MRPS11: variants seen among roughly 807,000 people sequenced by gnomAD.
MRPS11 encodes the protein small ribosomal subunit protein uS11m.
A neutral mutation model predicts 24.3 loss-of-function variants in MRPS11; 27 were observed. The ratio of observed to expected loss-of-function variants is 1.11; its 90% CI spans 0.82 to 1.53. MRPS11 has a LOEUF of 1.53. MRPS11 is among the 40% of genes most tolerant of loss of function. The pLI is 0.00. For synonymous variants in MRPS11, 104 were observed against 98.7 expected, an observed-to-expected ratio of 1.05 and a Z score of -0.32; for missense variants, 277 against 256.5, an observed-to-expected ratio of 1.08 and a Z score of -0.55.
Position 88,467,913 on chromosome 15 carries a change from T to C in MRPS11, c.71T>C (p.Val24Ala). ...SWTWPQTAGR[V>A]VARTPAGTIC... ...CACCGAGCTTTTCTTCCCAGCAGGG[T>C]CGTGGCCAGAACGCCGGCCGGGACC... is the stretch of plus-strand genomic sequence containing the variant. The change falls in exon 2 of 6, where the codon GTC (valine) becomes GCC (alanine). Residue 24 changes from valine to alanine, a missense_variant. By Grantham distance (64) the Val-to-Ala change is moderately conservative. Transcript: ENST00000325844. 1 of 1,613,560 alleles carries C rather than the reference T, an allele frequency of 6.2e-7. No individual in the cohort carries two copies. The highest frequency in any genetic ancestry group is 8.5e-7 in the Non-Finnish European group (1 of 1,179,970).
chr15:88,477,954 G>GC lies in MRPS11; in HGVS notation c.564dup (p.Arg189GlnfsTer71), dbSNP rs1567047229. 6.2e-7 allele frequency: 1 copy of GC among 1,613,992 alleles called. No homozygotes were observed. The highest frequency in any genetic ancestry group is 2.2e-5 in the East Asian group (1 of 44,888). On this transcript the variant is annotated frameshift_variant, in exon 6 of 6. Coordinates refer to ENST00000325844, the MANE Select transcript of MRPS11 (RefSeq NM_022839.5). LOFTEE classifies it high-confidence loss of function. This position sits in a 1 kb window ranked among gnomAD's most constrained non-coding sequence, Gnocchi z 5.7. ...ACCCCAATCCCACACAACGGCTGCCGCCCCAGGAAGGCTCGGAAGCTGTGA... is the reference window on the plus strand; with the variant it reads ...ACCCCAATCCCACACAACGGCTGCCGCCCCCAGGAAGGCTCGGAAGCTGTGA...
chr15:88,475,274 G>T lies in MRPS11; in HGVS notation c.411+35G>T. The T allele has an allele frequency of 6.2e-7, 1 of 1,613,108 alleles. No homozygotes were observed. Among genetic ancestry groups the T allele is most frequent in the Non-Finnish European group, 8.5e-7 (1 of 1,179,766 alleles). The stretch of plus-strand genomic sequence containing the variant: ...TGTTCCTTCTGCTTCCTTCTAGTGT[G>T]TGTTTGCTTTCTGCATGGCTCATCA... On this transcript the variant is annotated intron_variant, in intron 4 of 5. Coordinates refer to ENST00000325844, the MANE Select transcript of MRPS11 (RefSeq NM_022839.5). This position sits in a 1 kb window ranked among gnomAD's most constrained non-coding sequence, Gnocchi z 4.1.
At chr15:88,474,612 CCTT>C (rs1432767991) in intron 3 of MRPS11, among the ~76,000 whole-genome samples, 2 of 151,324 alleles carry the variant, frequency 1.3e-5, no homozygotes, top group Non-Finnish European at 2.9e-5. Context: ...TTTTAAGAGT[CCTT>C]CTTTTAGAGC....
intron 3 of MRPS11, among the ~76,000 whole-genome samples, chr15:88,474,180 A>G (rs558011133): frequency 6.6e-6 from 1 of 150,472 alleles, no homozygotes; most frequent in South Asian, 2.1e-4. Flanking sequence ...CTGTCTCACA[A>G]AAAAATAAAA....
At chr15:88,474,773 C>G (rs2055786233) in intron 3 of MRPS11, among the ~76,000 whole-genome samples, 1 of 152,226 alleles carries the variant, frequency 6.6e-6, no homozygotes, top group Middle Eastern at 3.4e-3. Context: ...GTTGATGAGT[C>G]CATCAGATTT....
At position 88,479,597 on chromosome 15, in the gene MRPS11, T is replaced by C. The variant is rs960024905; in HGVS notation, c.*1618T>C. The C allele has an allele frequency of 6.6e-6, 1 of 152,202 alleles. No individual in the cohort carries two copies. The highest frequency in any genetic ancestry group is 1.5e-5 in the Non-Finnish European group (1 of 68,038). The allele number at this position is 152,202 out of a possible 1,614,324, so 9.4% of individuals were successfully genotyped here. A position where few individuals can be genotyped will look rare whatever the true frequency, so the allele number is the denominator to read the frequency against. On this transcript the variant is annotated 3_prime_UTR_variant, in exon 6 of 6. Coordinates refer to ENST00000325844, the MANE Select transcript of MRPS11 (RefSeq NM_022839.5). ...TCCTTAGCAGGTCCTATGAAGGCCA[T>C]CTTGTGACAGTGACCAAAGAAGCCC...
Position 88,467,975 on chromosome 15 carries a change from G to A in MRPS11, c.133G>A (p.Ala45Thr), listed in dbSNP as rs372077725. The change falls in exon 2 of 6, where the codon GCC becomes ACC. Residue 45 changes from alanine (A) to threonine (T), a missense_variant. Ala to Thr is a moderately conservative substitution (Grantham distance 58). Transcript: ENST00000325844. ...CGCTCGACAGCTCCAAGACGCTGCG[G>A]CCAAGCAGAAAGTTGAACAGAACGC... ...TGARQLQDAAAKQKVEQNAAP... is the reference protein window; with the variant it reads ...TGARQLQDAATKQKVEQNAAP... 42 of 1,611,656 alleles carry A rather than the reference G, an allele frequency of 2.6e-5. No individual in the cohort carries two copies. In the African/African-American group the frequency reaches 4.9e-4, roughly 19 times the overall value.
chr15:88,478,190 A>T lies in MRPS11; in HGVS notation c.*211A>T. Reference sequence around the variant, plus strand: ...AAGTAAGCTTTGCATCTCTTACAAGAGGGGAGCTACAGGGGCAGCCGTGGC... The same window carrying T: ...AAGTAAGCTTTGCATCTCTTACAAGTGGGGAGCTACAGGGGCAGCCGTGGC... On this transcript the variant is annotated 3_prime_UTR_variant, in exon 6 of 6. Transcript: ENST00000325844. This position sits in a 1 kb window ranked among gnomAD's most constrained non-coding sequence, Gnocchi z 4.7. 3 of 581,834 alleles carry T rather than the reference A, an allele frequency of 5.2e-6. 1 individual carries two copies. In the South Asian group the frequency reaches 6.4e-5, roughly 12 times the overall value. 36.0% of individuals were successfully genotyped at this position (581,834 alleles called of 1,614,324 possible). A position where few individuals can be genotyped will look rare whatever the true frequency, so the allele number is the denominator to read the frequency against.
At chr15:88,476,638 T>C (rs1046153945) in intron 4 of MRPS11, 15 of 202,738 alleles carry the variant, frequency 7.4e-5, no homozygotes, top group African/African-American at 3.5e-4. Context: ...ATAATACTTT[T>C]AAAGTGGGTA....
Position 88,475,196 on chromosome 15 carries a change from G to GC in MRPS11, c.369dup (p.Thr124HisfsTer17). 6.2e-7 allele frequency: 1 copy of GC among 1,614,234 alleles called. No homozygotes were observed. Among genetic ancestry groups the GC allele is most frequent in the East Asian group, 2.2e-5 (1 of 44,886 alleles). ...GAGGGATTTCGGAATGCCAAGAAGG[G>GC]CACAGGCATCGCAGCACAGACAGCA... is the stretch of plus-strand genomic sequence containing the variant. On this transcript the variant is annotated frameshift_variant, in exon 4 of 6. Coordinates refer to ENST00000325844, the MANE Select transcript of MRPS11 (RefSeq NM_022839.5). LOFTEE classifies it high-confidence loss of function. The surrounding 1 kb of genome is among the most constrained non-coding windows in gnomAD (Gnocchi z 4.1).
Position 88,472,737 on chromosome 15 carries a change from G to A in MRPS11, c.281+12G>A, listed in dbSNP as rs764360576. 2 of 1,593,528 alleles carry A rather than the reference G, an allele frequency of 1.3e-6. No individual in the cohort carries two copies. The highest frequency in any genetic ancestry group is 1.7e-6 in the Non-Finnish European group (2 of 1,162,174). On this transcript the variant is annotated intron_variant, in intron 3 of 5. Coordinates refer to ENST00000325844, the MANE Select transcript of MRPS11 (RefSeq NM_022839.5). ...GCATCCCACAACAAGTAAGTGGGAA[G>A]GGAAACACTGGGCAGGTCTAGCGTG...
At chr15:88,474,559 C>CAAAAAAAAAAAAA (rs61044753) in intron 3 of MRPS11, among the ~76,000 whole-genome samples, 6 of 138,856 alleles carry the variant, frequency 4.3e-5, no homozygotes, top group African/African-American at 1.3e-4. Flanking sequence ...AACTCCATCT[C>CAAAAAAAAAAAAA]AAAAAAAAAA....
rs1008404280 is a variant in MRPS11 at position 88,477,134 on chromosome 15, G to A, written c.477+80G>A. 8 of 1,334,008 alleles carry A rather than the reference G, an allele frequency of 6.0e-6. No homozygotes were observed. Among genetic ancestry groups the A allele is most frequent in the Admixed American group, 1.9e-5 (1 of 53,054 alleles). 82.6% of individuals were successfully genotyped at this position (1,334,008 alleles called of 1,614,324 possible). ...GGGGCTTGAGAGCAGAGTACAGGGA[G>A]AGTAGAAAACACCTTTTAGTGGATT... On this transcript the variant is annotated intron_variant, in intron 5 of 5. Transcript: ENST00000325844. This position sits in a 1 kb window ranked among gnomAD's most constrained non-coding sequence, Gnocchi z 5.7.
In MRPS11 at chr15:88,477,134, G is replaced by T; in HGVS notation, c.477+80G>T. 7.5e-7 allele frequency: 1 copy of T among 1,334,008 alleles called. No individual in the cohort carries two copies. Among genetic ancestry groups the T allele is most frequent in the South Asian group, 1.2e-5 (1 of 80,964 alleles). 82.6% of individuals were successfully genotyped at this position (1,334,008 alleles called of 1,614,324 possible). On this transcript the variant is annotated intron_variant, in intron 5 of 5. Transcript: ENST00000325844. This position sits in a 1 kb window ranked among gnomAD's most constrained non-coding sequence, Gnocchi z 5.7. ...GGGGCTTGAGAGCAGAGTACAGGGA[G>T]AGTAGAAAACACCTTTTAGTGGATT...
intron 3 of MRPS11, among the ~76,000 whole-genome samples, chr15:88,472,977 T>C (rs2055746971): frequency 6.6e-6 from 1 of 152,188 alleles, no homozygotes; most frequent in Admixed American, 6.5e-5. Context: ...TTGAGAATAG[T>C]GTTTCCTGGT....
At chr15:88,474,514 G>A (rs1052942964) in intron 3 of MRPS11, among the ~76,000 whole-genome samples, 10 of 149,652 alleles carry the variant, frequency 6.7e-5, no homozygotes, top group African/African-American at 1.8e-4. Flanking sequence ...AGCCAAGATC[G>A]TGCCATTGCA....
chr15:88,475,900 T>C lies in MRPS11; in HGVS notation c.411+661T>C, dbSNP rs1255915659. On this transcript the variant is annotated intron_variant, in intron 4 of 5. Transcript: ENST00000325844. The surrounding 1 kb of genome is among the most constrained non-coding windows in gnomAD (Gnocchi z 4.1). ...TGAACCCAGGAGGTGGAGGTTGCAG[T>C]GACTCGAGATCACACCACTGCACTC... 6.6e-6 allele frequency among the ~76,000 whole-genome samples: 1 copy of C among 152,014 alleles called. No individual in the cohort carries two copies. Among genetic ancestry groups the C allele is most frequent in the Non-Finnish European group, 1.5e-5 (1 of 68,018 alleles).
Position 88,475,167 on chromosome 15 carries a change from C to T in MRPS11, c.339C>T (p.Gly113=), listed in dbSNP as rs775011108. 5 of 1,614,224 alleles carry T rather than the reference C, an allele frequency of 3.1e-6. No individual in the cohort carries two copies. The East Asian group carries it at 1.1e-4, about 36-fold the overall frequency. ...SNEPLAFASC[G]TEGFRNAKKG... is the part of the protein sequence containing the mutation. ...AGCCCCTTGCCTTTGCTTCCTGTGGCACAGAGGGATTTCGGAATGCCAAGA... is the reference window on the plus strand; with the variant it reads ...AGCCCCTTGCCTTTGCTTCCTGTGGTACAGAGGGATTTCGGAATGCCAAGA... Residue 113 remains glycine, a synonymous_variant, in exon 4 of 6, where the codon GGC becomes GGT. Transcript: ENST00000325844. This position sits in a 1 kb window ranked among gnomAD's most constrained non-coding sequence, Gnocchi z 4.1.
Position 88,472,706 on chromosome 15 carries a change from A to G in MRPS11, c.262A>G (p.Ile88Val), listed in dbSNP as rs1466664043. The G allele has an allele frequency of 2.5e-6, 4 of 1,613,664 alleles. No homozygotes were observed. The highest frequency in any genetic ancestry group is 1.7e-5 in the Admixed American group (1 of 60,004). Residue 88 changes from isoleucine to valine, a missense_variant, in exon 3 of 6, where the codon ATT (isoleucine) becomes GTT (valine). Physicochemically the swap from Ile to Val is conservative, Grantham distance 29. Coordinates refer to ENST00000325844, the MANE Select transcript of MRPS11 (RefSeq NM_022839.5). ...ATTTGAGGAGATCCCAATTGCACACATTAAAGCATCCCACAACAAGTAAGT... is the reference window on the plus strand; with the variant it reads ...ATTTGAGGAGATCCCAATTGCACACGTTAAAGCATCCCACAACAAGTAAGT... The part of the protein sequence containing the change: ...KKFEEIPIAH[I>V]KASHNNTQIQ...
Sources: allele counts gnomAD v4.1 joint callset (sites outside exome capture counted in the v4.1 genomes callset), GRCh38; gene constraint gnomAD v4.1.1; non-coding constraint Gnocchi (gnomAD v3.1); transcripts MANE v1.5; gene names NCBI Gene and HGNC (gene_info 2026-07-23, HGNC 2026-07-21).